The following RAPGEF4 variants were observed in gnomAD, a reference collection of about 807,000 sequenced individuals.
RAPGEF4 encodes the protein Rap guanine nucleotide exchange factor 4, also known as RAP guanine-nucleotide-exchange factor (GEF) 4.
RAPGEF4 carries 66 observed loss-of-function variants against 147.9 expected under a neutral mutation model. The ratio of observed to expected loss-of-function variants is 0.45; its 90% CI spans 0.37 to 0.55. The LOEUF (loss-of-function observed/expected upper bound fraction) is 0.55, where lower values mean the gene tolerates loss of function less well. Ranked by LOEUF, RAPGEF4 falls within the 20% of genes least tolerant of loss-of-function variation. The pLI is 0.00. For missense variants in RAPGEF4, 1,071 were observed against 1,257.3 expected, an observed-to-expected ratio of 0.85 and a Z score of 2.24; for synonymous variants, 419 against 442.7, an observed-to-expected ratio of 0.95 and a Z score of 0.67.
Position 173,052,329 on chromosome 2 carries a change from G to A in RAPGEF4, c.*562G>A, listed in dbSNP as rs1272406559. The A allele has an allele frequency of 6.6e-6, 1 of 152,642 alleles. No homozygotes were observed. Among genetic ancestry groups the A allele is most frequent in the East Asian group, 1.9e-4 (1 of 5,200 alleles). 9.5% of individuals were successfully genotyped at this position (152,642 alleles called of 1,614,324 possible). A position where few individuals can be genotyped will look rare whatever the true frequency, so the allele number is the denominator to read the frequency against. On this transcript the variant is annotated 3_prime_UTR_variant, in exon 31 of 31. Transcript: ENST00000397081. Reference sequence around the variant, plus strand: ...ATTATGAAACATTATGGCTGTTTATGTAATTTAGGGAGGACTGGTCTGTAA... The same window carrying A: ...ATTATGAAACATTATGGCTGTTTATATAATTTAGGGAGGACTGGTCTGTAA...
At chr2:172,737,072 CTA>C (rs1693850856) in intron 1 of RAPGEF4, among the ~76,000 whole-genome samples, 1 of 152,184 alleles carries the variant, frequency 6.6e-6, no homozygotes, top group Non-Finnish European at 1.5e-5. Context: ...TTTGCATACT[CTA>C]TTATAGGCCT....
chr2:172,881,959 G>C (rs1400593737), intron 4 of RAPGEF4, among the ~76,000 whole-genome samples: 1 of 152,188 alleles, frequency 6.6e-6, no homozygotes. Flanking sequence ...GGTTTAGTGA[G>C]CTGGGAGTTG....
intron 16 of RAPGEF4, among the ~76,000 whole-genome samples, chr2:172,998,976 T>G (rs1260435294): frequency 6.6e-6 from 1 of 152,144 alleles, no homozygotes. Context: ...CTAAAAGAGA[T>G]GGAGATTGGA....
At chr2:173,041,864 G>A (rs138512528) in intron 29 of RAPGEF4, among the ~76,000 whole-genome samples, 29 of 152,174 alleles carry the variant, frequency 1.9e-4, no homozygotes, top group African/African-American at 6.0e-4. Context: ...CTGGTTCCTC[G>A]TCAGTCAGGC....
intron 16 of RAPGEF4, among the ~76,000 whole-genome samples, chr2:172,998,045 C>T (rs1180917360): frequency 6.6e-6 from 1 of 152,166 alleles, no homozygotes; most frequent in African/African-American, 2.4e-5. Flanking sequence ...AGACACTAAG[C>T]TAGATGCTTT....
chr2:172,993,104 T>A (rs1200318910), intron 15 of RAPGEF4, among the ~76,000 whole-genome samples: 2 of 152,182 alleles, frequency 1.3e-5, no homozygotes, highest in Non-Finnish European at 2.9e-5. Context: ...TGGTTCATTT[T>A]TTTCCCTGAA....
At chr2:172,794,347 C>CAAAAAA (rs59850502) in intron 1 of RAPGEF4, among the ~76,000 whole-genome samples, 2 of 101,888 alleles carry the variant, frequency 2.0e-5, no homozygotes, top group Non-Finnish European at 3.9e-5. Context: ...AACTCCATCT[C>CAAAAAA]AAAAAAAAAA....
At chr2:172,849,607 C>T (rs114456065) in intron 4 of RAPGEF4, among the ~76,000 whole-genome samples, 1,525 of 152,328 alleles carry the variant, frequency 0.01, 31 homozygotes, top group African/African-American at 0.034. Context: ...AATTTACTAT[C>T]TTTGTACACG....
chr2:172,797,621 G>T lies in RAPGEF4; in HGVS notation c.297+8G>T. The T allele has an allele frequency of 6.2e-7, 1 of 1,603,476 alleles. No individual in the cohort carries two copies. Among genetic ancestry groups the T allele is most frequent in the Non-Finnish European group, 8.5e-7 (1 of 1,172,214 alleles). ...GAGACCAGCAGTCACCAGGTAATAT[G>T]GTCTATTTTTTTGAAAGTAGGATTT... is the stretch of plus-strand genomic sequence containing the variant. On this transcript the variant is annotated splice_region_variant and intron_variant, in intron 3 of 30. Coordinates refer to ENST00000397081, the MANE Select transcript of RAPGEF4 (RefSeq NM_007023.4).
intron 1 of RAPGEF4, among the ~76,000 whole-genome samples, chr2:172,749,151 T>A (rs1190046252): frequency 6.6e-6 from 1 of 152,218 alleles, no homozygotes; most frequent in Non-Finnish European, 1.5e-5. Context: ...GGATCTACCA[T>A]TCTGGGGTTT....
intron 6 of RAPGEF4, among the ~76,000 whole-genome samples, chr2:172,934,370 C>T (rs1194840314): frequency 6.6e-6 from 1 of 151,944 alleles, no homozygotes; most frequent in Non-Finnish European, 1.5e-5. Context: ...AGGCTGGTCT[C>T]GAACTCCTGA....
At position 173,006,192 on chromosome 2, in the gene RAPGEF4, A is replaced by G. The variant is rs370453961; in HGVS notation, c.1658+4848A>G. 2.6e-5 allele frequency among the ~76,000 whole-genome samples: 4 copies of G among 152,344 alleles called. No individual in the cohort carries two copies. The East Asian group carries it at 7.7e-4, about 29-fold the overall frequency. On this transcript the variant is annotated intron_variant, in intron 17 of 30. Transcript: ENST00000397081. The stretch of plus-strand genomic sequence containing the variant: ...AACCATGATGGGAATGAACCCCAAG[A>G]TAAAGCTGAAATGAGGAGACAGGAA...
At chr2:172,881,938 C>T (rs1410848368) in intron 4 of RAPGEF4, among the ~76,000 whole-genome samples, 1 of 152,110 alleles carries the variant, frequency 6.6e-6, no homozygotes, top group Non-Finnish European at 1.5e-5. Flanking sequence ...CTTAAAAATG[C>T]CACCCTATGG....
At chr2:173,033,213 C>G (rs751309211) in intron 26 of RAPGEF4, among the ~76,000 whole-genome samples, 90 of 152,192 alleles carry the variant, frequency 5.9e-4, no homozygotes, top group Admixed American at 1.7e-3. Flanking sequence ...AATAAATGCT[C>G]ATGTAGAAAA....
intron 4 of RAPGEF4, chr2:172,821,737 T>TAAAA (rs35414922): frequency 4.2e-4 from 343 of 818,936 alleles, no homozygotes; most frequent in African/African-American, 1.7e-3. Context: ...TAACTAAAGT[T>TAAAA]AAAAAAAAAA....
At chr2:172,905,100 G>A (rs554954898) in intron 4 of RAPGEF4, among the ~76,000 whole-genome samples, 3 of 151,730 alleles carry the variant, frequency 2.0e-5, no homozygotes, top group South Asian at 2.1e-4. Context: ...CTCCTTTCTC[G>A]CTTCCCCTAT....
intron 12 of RAPGEF4, among the ~76,000 whole-genome samples, chr2:172,987,046 C>T (rs574936983): frequency 1.3e-5 from 2 of 152,256 alleles, no homozygotes; most frequent in East Asian, 1.9e-4. Flanking sequence ...GGTGCAGTGG[C>T]TCATGTCTGT....
chr2:172,779,192 C>T (rs1006892322), intron 1 of RAPGEF4, among the ~76,000 whole-genome samples: 8 of 152,182 alleles, frequency 5.3e-5, no homozygotes, highest in African/African-American at 7.2e-5. Flanking sequence ...ATGGAGCTTA[C>T]GTTCTAGTGG....
At chr2:172,815,761 A>G (rs1474381788) in intron 4 of RAPGEF4, among the ~76,000 whole-genome samples, 2 of 152,176 alleles carry the variant, frequency 1.3e-5, no homozygotes, top group Non-Finnish European at 2.9e-5. Context: ...CTGAGAGAGG[A>G]TGGTTTGTGG....
Sources: allele counts gnomAD v4.1 joint callset (sites outside exome capture counted in the v4.1 genomes callset), GRCh38; gene constraint gnomAD v4.1.1; transcripts MANE v1.5; gene names NCBI Gene and HGNC (gene_info 2026-07-23, HGNC 2026-07-21).